The following GLRA3 variants were observed in gnomAD, a reference collection of about 807,000 sequenced individuals.
GLRA3 encodes the protein glycine receptor alpha 3.
In GLRA3, 44 loss-of-function variants were observed where a neutral mutation model predicts 60.4. That is an observed-to-expected ratio of 0.73 (90% CI 0.57 to 0.94). The LOEUF (loss-of-function observed/expected upper bound fraction) is 0.94. Ranked by LOEUF, GLRA3 falls within the 40% of genes least tolerant of loss-of-function variation. The pLI is 0.00. For synonymous variants in GLRA3, 223 were observed against 192.9 expected (o/e 1.16, Z -1.29); for missense variants, 508 against 564.6 (o/e 0.90, Z 1.02).
intron 3 of GLRA3, among the ~76,000 whole-genome samples, chr4:174,736,336 C>T (rs1370218190): frequency 6.6e-6 from 1 of 151,882 alleles, no homozygotes; most frequent in South Asian, 2.1e-4. Flanking sequence ...ATATACGTAA[C>T]ATTTATCATC....
At chr4:174,653,119 T>C (rs999342117) in intron 9 of GLRA3, among the ~76,000 whole-genome samples, 1 of 152,026 alleles carries the variant, frequency 6.6e-6, no homozygotes, top group Non-Finnish European at 1.5e-5. Context: ...TATTACCAAA[T>C]AGGAATGTAA....
intron 5 of GLRA3, among the ~76,000 whole-genome samples, chr4:174,688,329 A>G (rs1239073098): frequency 1.8e-5 from 1 of 54,608 alleles, no homozygotes; most frequent in African/African-American, 6.7e-5. Flanking sequence ...ATATATATAT[A>G]TATATATATA....
At chr4:174,785,869 A>T (rs1739108075) in intron 2 of GLRA3, among the ~76,000 whole-genome samples, 1 of 151,922 alleles carries the variant, frequency 6.6e-6, no homozygotes, top group Non-Finnish European at 1.5e-5. Context: ...AACTGGGCTC[A>T]AGTAATCCTC....
chr4:174,672,083 AG>A (rs1156941239), intron 7 of GLRA3, among the ~76,000 whole-genome samples: 2 of 152,198 alleles, frequency 1.3e-5, no homozygotes, highest in Non-Finnish European at 2.9e-5. Context: ...CAATCTCCAC[AG>A]GCTACCAGCT....
At chr4:174,733,585 G>C (rs761301916) in intron 3 of GLRA3, among the ~76,000 whole-genome samples, 5 of 152,144 alleles carry the variant, frequency 3.3e-5, no homozygotes, top group Non-Finnish European at 5.9e-5. Context: ...TCAGGGCTAG[G>C]TACCAGGCAA....
intron 3 of GLRA3, among the ~76,000 whole-genome samples, chr4:174,742,002 A>G (rs1160728309): frequency 1.3e-5 from 2 of 152,206 alleles, no homozygotes; most frequent in Admixed American, 1.3e-4. Context: ...AATAATTGGC[A>G]TTAGCTAGAA....
intron 3 of GLRA3, among the ~76,000 whole-genome samples, chr4:174,754,631 T>G (rs530340209): frequency 2.6e-5 from 4 of 152,288 alleles, no homozygotes; most frequent in African/African-American, 9.6e-5. Context: ...AATGTACCTT[T>G]GTAAGAATTT....
intron 3 of GLRA3, among the ~76,000 whole-genome samples, chr4:174,735,318 C>T (rs1736731339): frequency 6.6e-6 from 1 of 152,174 alleles, no homozygotes; most frequent in African/African-American, 2.4e-5. Flanking sequence ...CCAATTTACT[C>T]CATTTTGTGT....
chr4:174,825,315 A>G (rs1389747304), intron 1 of GLRA3, among the ~76,000 whole-genome samples: 2 of 152,164 alleles, frequency 1.3e-5, no homozygotes, highest in Non-Finnish European at 2.9e-5. Flanking sequence ...CTCATCCTCC[A>G]AAACATACCA....
At chr4:174,822,857 G>A (rs79017261) in intron 1 of GLRA3, among the ~76,000 whole-genome samples, 1,639 of 152,170 alleles carry the variant, frequency 0.011, 35 homozygotes, top group African/African-American at 0.038. Flanking sequence ...TGTGCATCAC[G>A]TTGCCTACGA....
intron 4 of GLRA3, among the ~76,000 whole-genome samples, chr4:174,722,395 C>T (rs564329622): frequency 6.6e-6 from 1 of 152,304 alleles, no homozygotes; most frequent in South Asian, 2.1e-4. Context: ...TCTTAGATCT[C>T]TTCTGGCCTC....
intron 5 of GLRA3, among the ~76,000 whole-genome samples, chr4:174,689,756 T>TAA (rs553306775): frequency 0.053 from 2,109 of 39,490 alleles, 394 homozygotes; most frequent in East Asian, 0.079. Context: ...TAAGTCGCAT[T>TAA]AAAAAAAAAA....
At chr4:174,728,414 A>T (rs772962936) in intron 4 of GLRA3, 61 bp downstream of exon 4, 4 of 941,764 alleles carry the variant, frequency 4.2e-6, no homozygotes, top group Non-Finnish European at 6.7e-6. Flanking sequence ...AAACAAACCA[A>T]CCAACAATAC....
chr4:174,766,988 A>G lies in GLRA3; in HGVS notation c.242T>C (p.Phe81Ser). The change falls in exon 3 of 10, where the codon TTT becomes TCT. Residue 81 changes from phenylalanine (F) to serine (S), a missense_variant. Transcript: ENST00000274093. ...CATGGTCGTCTCTGCGATAGAGCCA[A>G]AGCTGTTGATGAATATGTTGCATGT... ...NVTCNIFINS[F>S]GSIAETTMDY... 6.3e-7 allele frequency: 1 copy of G among 1,599,606 alleles called. No individual in the cohort carries two copies. Among genetic ancestry groups the G allele is most frequent in the Non-Finnish European group, 8.6e-7 (1 of 1,168,612 alleles).
chr4:174,658,154 G>T (rs1733286292), intron 8 of GLRA3, among the ~76,000 whole-genome samples: 1 of 152,000 alleles, frequency 6.6e-6, no homozygotes, highest in South Asian at 2.1e-4. Context: ...TACCATTAAG[G>T]TTTATCTTTT....
At chr4:174,800,127 G>T (rs1561127426) in intron 1 of GLRA3, among the ~76,000 whole-genome samples, 1 of 152,034 alleles carries the variant, frequency 6.6e-6, no homozygotes, top group Non-Finnish European at 1.5e-5. Context: ...AGAATTACTT[G>T]TTCGGAAAGC....
At chr4:174,779,205 C>T (rs1432694896) in intron 2 of GLRA3, among the ~76,000 whole-genome samples, 2 of 152,238 alleles carry the variant, frequency 1.3e-5, no homozygotes, top group East Asian at 3.8e-4. Flanking sequence ...CAGGGGCACA[C>T]TGACACCTCA....
intron 9 of GLRA3, among the ~76,000 whole-genome samples, chr4:174,649,298 G>A (rs1732946503): frequency 1.3e-5 from 2 of 152,286 alleles, no homozygotes; most frequent in Non-Finnish European, 2.9e-5. Flanking sequence ...CAAAGGATCA[G>A]CTATAGTAGC....
intron 2 of GLRA3, among the ~76,000 whole-genome samples, chr4:174,780,857 T>C (rs1738838909): frequency 6.6e-6 from 1 of 152,038 alleles, no homozygotes; most frequent in South Asian, 2.1e-4. Context: ...ACCCACACAA[T>C]AATGATGGGA....
Sources: gnomAD v4.1 joint callset for allele counts (sites outside exome capture counted in the v4.1 genomes callset) on GRCh38, gnomAD v4.1.1 for gene constraint, MANE v1.5 for transcripts, NCBI Gene and HGNC (gene_info 2026-07-23, HGNC 2026-07-21) for gene names.